The following SRRD variants were observed in gnomAD, a reference collection of about 807,000 sequenced individuals.
SRRD encodes the protein SRR1 domain containing, also known as SRR1-like protein.
A neutral mutation model predicts 30.7 loss-of-function variants in SRRD; 28 were observed. The ratio of observed to expected loss-of-function variants is 0.91; its 90% CI spans 0.68 to 1.25. The LOEUF (loss-of-function observed/expected upper bound fraction) is 1.25, where lower values mean the gene tolerates loss of function less well. Ranked by LOEUF, SRRD falls within the 50% of genes most tolerant of loss-of-function variation. The pLI is 0.00. For synonymous variants in SRRD, 161 were observed against 159.6 expected (o/e 1.01, Z -0.07); for missense variants, 415 against 417.3 (o/e 0.99, Z 0.05).
In SRRD at chr22:26,488,292, C is replaced by T; in HGVS notation, c.510+4C>T. Reference sequence around the variant, plus strand: ...GCTTTTGTTGGAAAAGTGCCAGGTACATTTTTGGATTCATTTTCATCTCCT... The same window carrying T: ...GCTTTTGTTGGAAAAGTGCCAGGTATATTTTTGGATTCATTTTCATCTCCT... On this transcript the variant is annotated splice_donor_region_variant and intron_variant, in intron 3 of 6. Coordinates refer to ENST00000215917, the MANE Select transcript of SRRD (RefSeq NM_001013694.3). The T allele has an allele frequency of 6.2e-7, 1 of 1,613,242 alleles. No homozygotes were observed. The highest frequency in any genetic ancestry group is 8.5e-7 in the Non-Finnish European group (1 of 1,179,292).
At chr22:26,487,979 A>T (rs1384591478) in intron 2 of SRRD, 50 bp from the exon 3 acceptor site, 10 of 1,537,042 alleles carry the variant, frequency 6.5e-6, no homozygotes, top group Non-Finnish European at 7.9e-6. Context: ...GATTTGGTTC[A>T]CAGGGTCAGA....
Position 26,483,913 on chromosome 22 carries a change from C to T in SRRD, c.23C>T (p.Ala8Val), listed in dbSNP as rs1205573621. 8.9e-6 allele frequency: 12 copies of T among 1,349,438 alleles called. No homozygotes were observed. The South Asian group carries it at 2.1e-4, about 23-fold the overall frequency. 83.6% of individuals were successfully genotyped at this position (1,349,438 alleles called of 1,614,324 possible). Reference sequence around the variant, plus strand: ...CCAATGGCTGCGGCCGCAGCTGCGGCGCTGGAATCCTGGCAGGCGGCGGCT... The same window carrying T: ...CCAATGGCTGCGGCCGCAGCTGCGGTGCTGGAATCCTGGCAGGCGGCGGCT... MAAAAAA[A>V]LESWQAAAPR... is the part of the protein sequence containing the mutation. Residue 8 changes from alanine (A) to valine (V), a missense_variant, in exon 1 of 7, where the codon GCG (alanine) becomes GTG (valine). Transcript: ENST00000215917.
chr22:26,484,930 G>A (rs1377234805), intron 1 of SRRD, among the ~76,000 whole-genome samples: 1 of 152,180 alleles, frequency 6.6e-6, no homozygotes, highest in Non-Finnish European at 1.5e-5. Context: ...CCGTCACAAG[G>A]GGAGAAATTA....
chr22:26,490,249 C>T, intron 5 of SRRD, 51 bp downstream of exon 5: 2 of 1,596,976 alleles, frequency 1.3e-6, no homozygotes, highest in Non-Finnish European at 8.6e-7. Context: ...GAAGCCCATA[C>T]CTCAGATTGA....
chr22:26,490,963 A>G (rs1921087717), intron 5 of SRRD, 62 bp from the exon 6 acceptor site: 97 of 1,129,958 alleles, frequency 8.6e-5, no homozygotes, highest in Middle Eastern at 2.0e-4. Context: ...GAATGAAACT[A>G]TCCTCATACC....
Position 26,493,868 on chromosome 22 carries a change from G to C in SRRD, c.*2196G>C, listed in dbSNP as rs1255553590. The C allele has an allele frequency of 2.3e-6, 1 of 428,592 alleles. No homozygotes were observed. Among genetic ancestry groups the C allele is most frequent in the South Asian group, 2.3e-5 (1 of 44,098 alleles). 26.5% of individuals were successfully genotyped at this position (428,592 alleles called of 1,614,324 possible). ...ACACAGCACAGTGGTTAAGAGGGCGGGGCCTGGGGTTAGACTGACATCATC... is the reference window on the plus strand; with the variant it reads ...ACACAGCACAGTGGTTAAGAGGGCGCGGCCTGGGGTTAGACTGACATCATC... On this transcript the variant is annotated 3_prime_UTR_variant, in exon 7 of 7. Transcript: ENST00000215917.
At chr22:26,489,575 T>C (rs948239764) in intron 4 of SRRD, among the ~76,000 whole-genome samples, 1 of 152,046 alleles carries the variant, frequency 6.6e-6, no homozygotes, top group East Asian at 1.9e-4. Flanking sequence ...AAGGGCCTTA[T>C]GTTCCCTGCT....
At chr22:26,486,677 C>T (rs1195193397) in intron 2 of SRRD, among the ~76,000 whole-genome samples, 1 of 152,152 alleles carries the variant, frequency 6.6e-6, no homozygotes, top group Non-Finnish European at 1.5e-5. Flanking sequence ...CACAACCAGC[C>T]TTTTTAAGTT....
intron 2 of SRRD, among the ~76,000 whole-genome samples, chr22:26,486,411 C>T (rs1446845079): frequency 6.6e-6 from 1 of 152,204 alleles, no homozygotes; most frequent in East Asian, 1.9e-4. Context: ...GTGATAATCT[C>T]TTCCTAAACA....
At position 26,492,442 on chromosome 22, in the gene SRRD, C is replaced by T. The variant is rs1921340225; in HGVS notation, c.*770C>T. The stretch of plus-strand genomic sequence containing the variant: ...TGGAAGTTGACACTGTGGCTTGGCC[C>T]AGGTCTTGGGTGTGCCAGAGTGCTT... On this transcript the variant is annotated 3_prime_UTR_variant, in exon 7 of 7. Transcript: ENST00000215917. 2 of 1,440,138 alleles carry T rather than the reference C, an allele frequency of 1.4e-6. No homozygotes were observed. Among genetic ancestry groups the T allele is most frequent in the Non-Finnish European group, 1.9e-6 (2 of 1,039,206 alleles). 89.2% of individuals were successfully genotyped at this position (1,440,138 alleles called of 1,614,324 possible).
chr22:26,484,460 G>A (rs936710444), intron 1 of SRRD, among the ~76,000 whole-genome samples: 1 of 152,202 alleles, frequency 6.6e-6, no homozygotes, highest in Non-Finnish European at 1.5e-5. Flanking sequence ...GCCAGTGTTT[G>A]CTATTAATAT....
At chr22:26,487,955 C>T (rs1458805525) in intron 2 of SRRD, 74 bp from the exon 3 acceptor site, 2 of 1,497,600 alleles carry the variant, frequency 1.3e-6, no homozygotes, top group African/African-American at 1.4e-5. Flanking sequence ...AATATGTGAA[C>T]TTCTTTTGTG....
intron 6 of SRRD, 63 bp downstream of exon 6, chr22:26,491,133 T>A (rs4820683): frequency 0.96 from 1,471,868 of 1,530,752 alleles, 707,973 homozygotes; most frequent in East Asian, 1. Context: ...AATTCTATCT[T>A]TCTTTACAGG....
chr22:26,487,268 G>A (rs759917094), intron 2 of SRRD, among the ~76,000 whole-genome samples: 4 of 152,098 alleles, frequency 2.6e-5, no homozygotes, highest in African/African-American at 9.7e-5. Context: ...TGGAATGCAC[G>A]GCTTTTTTTG....
chr22:26,494,203 T>C lies in SRRD; in HGVS notation c.*2531T>C. The C allele has an allele frequency of 1.2e-6, 2 of 1,614,148 alleles. No individual in the cohort carries two copies. The highest frequency in any genetic ancestry group is 1.7e-6 in the Non-Finnish European group (2 of 1,179,940). On this transcript the variant is annotated 3_prime_UTR_variant, in exon 7 of 7. Transcript: ENST00000215917. ...CCTCATTAAATTTGTCCTTGACAGA[T>C]GGATGTGCCAGCACTTGGTCTGAGA...
intron 5 of SRRD, 63 bp from the exon 6 acceptor site, chr22:26,490,962 T>G: frequency 6.9e-7 from 1 of 1,454,448 alleles, no homozygotes; most frequent in South Asian, 1.2e-5. Context: ...TGAATGAAAC[T>G]ATCCTCATAC....
At chr22:26,485,181 C>A (rs1395212583) in intron 1 of SRRD, among the ~76,000 whole-genome samples, 1 of 152,178 alleles carries the variant, frequency 6.6e-6, no homozygotes, top group Non-Finnish European at 1.5e-5. Flanking sequence ...CTTCAGTATT[C>A]CCCAGGAGCT....
chr22:26,491,255 T>C (rs1254802657), intron 6 of SRRD, 185 bp downstream of exon 6: 3 of 744,506 alleles, frequency 4.0e-6, no homozygotes, highest in Middle Eastern at 2.5e-4. Context: ...TTTTTCCTTA[T>C]TTCCTTTATT....
intron 4 of SRRD, 101 bp downstream of exon 4, chr22:26,488,589 T>G: frequency 2.3e-6 from 2 of 865,182 alleles, no homozygotes; most frequent in Non-Finnish European, 3.9e-6. Flanking sequence ...GTGGCAGCCA[T>G]TCCTCTCTTA....
Sources: gnomAD v4.1 joint callset for allele counts (sites outside exome capture counted in the v4.1 genomes callset) on GRCh38, gnomAD v4.1.1 for gene constraint, MANE v1.5 for transcripts, NCBI Gene and HGNC (gene_info 2026-07-23, HGNC 2026-07-21) for gene names.